The following RP1 variants were observed in gnomAD, a reference collection of about 807,000 sequenced individuals.
RP1 encodes RP1 axonemal microtubule associated, also known as oxygen-regulated protein 1.
In RP1, 16 loss-of-function variants were observed where a neutral mutation model predicts 14.8. That is an observed-to-expected ratio of 1.08 (90% CI 0.73 to 1.65). The LOEUF is 1.65. Ranked by LOEUF, RP1 falls within the 40% of genes most tolerant of loss-of-function variation. The probability of loss-of-function intolerance (pLI) is 0.00; values close to 1 mark genes in which losing one functional copy is unlikely to be tolerated. For synonymous variants in RP1, 876 were observed against 883.6 expected (o/e 0.99, Z 0.15); for missense variants, 2,631 against 2,535.0 (o/e 1.04, Z -0.81).
intron 24 of RP1, among the ~76,000 whole-genome samples, chr8:54,788,719 A>G (rs1810388975): frequency 6.6e-6 from 1 of 152,354 alleles, no homozygotes; most frequent in Non-Finnish European, 1.5e-5. Flanking sequence ...AGTTAATAAC[A>G]TTGTTCCCCT....
At chr8:54,674,068 T>G (rs1218752800) in intron 8 of RP1, 3 of 646,252 alleles carry the variant, frequency 4.6e-6, no homozygotes, top group Non-Finnish European at 7.7e-6. Flanking sequence ...CAAAATATTG[T>G]CTCCAAATAC....
intron 28 of RP1, among the ~76,000 whole-genome samples, chr8:54,869,627 C>CAATAGGA (rs1334067690): frequency 6.6e-6 from 1 of 152,116 alleles, no homozygotes; most frequent in Non-Finnish European, 1.5e-5. Context: ...TAGAGTGAAC[C>CAATAGGA]AATATGACTT....
chr8:54,672,635 A>G (rs1018195829), intron 7 of RP1, among the ~76,000 whole-genome samples: 149 of 152,172 alleles, frequency 9.8e-4, no homozygotes, highest in Non-Finnish European at 2.8e-4. Flanking sequence ...ATCTGTATGT[A>G]TATTGTTAAA....
chr8:54,722,316 G>C (rs1350186603), intron 16 of RP1, among the ~76,000 whole-genome samples: 8 of 150,780 alleles, frequency 5.3e-5, no homozygotes, highest in African/African-American at 2.0e-4. Context: ...CTGTCCCCAG[G>C]CTGGAGTGCA....
chr8:54,656,152 C>T lies in RP1; in HGVS notation c.1108C>T (p.Gln370Ter), dbSNP rs1390905664. ...TGTTCAACGATGGTTGGCACGAGATCAAGAGGATGGGGAAATCTGTCGAGA... is the reference window on the plus strand; with the variant it reads ...TGTTCAACGATGGTTGGCACGAGATTAAGAGGATGGGGAAATCTGTCGAGA... The change falls in exon 6 of 23, where the codon CAA becomes TAA. Residue 370 changes from glutamine to a stop codon, truncating the protein, a stop_gained. Transcript: ENST00000636932. LOFTEE classifies it high-confidence loss of function. The T allele has an allele frequency of 6.5e-7, 1 of 1,535,294 alleles. No individual in the cohort carries two copies. The highest frequency in any genetic ancestry group is 8.7e-7 in the Non-Finnish European group (1 of 1,146,526).
chr8:54,814,984 G>T (rs1286582210), intron 24 of RP1, among the ~76,000 whole-genome samples: 1 of 152,216 alleles, frequency 6.6e-6, no homozygotes, highest in Non-Finnish European at 1.5e-5. Context: ...ACTCCAGCCT[G>T]GGTGACAAAG....
At chr8:54,827,101 C>T (rs886435860) in intron 24 of RP1, among the ~76,000 whole-genome samples, 1 of 152,272 alleles carries the variant, frequency 6.6e-6, no homozygotes, top group East Asian at 1.9e-4. Flanking sequence ...CTGGAAGTAG[C>T]TCTGGATGAG....
Position 54,706,016 on chromosome 8 carries a change from A to G in RP1, c.1999-427A>G, listed in dbSNP as rs534866011. On this transcript the variant is annotated intron_variant, in intron 14 of 22. Coordinates refer to the RP1 transcript ENST00000636932. ...CATAGGATTTTCTTAAATATATCTT[A>G]TTTGTATTTGATATCTTTTTACATT... Among the ~76,000 whole-genome samples the G allele has an allele frequency of 7.2e-5, 11 of 152,134 alleles. No homozygotes were observed. In the East Asian group the frequency reaches 1.9e-3, roughly 27 times the overall value.
chr8:54,785,498 T>G (rs1563375889), intron 24 of RP1, among the ~76,000 whole-genome samples: 1 of 150,554 alleles, frequency 6.6e-6, no homozygotes, highest in Non-Finnish European at 1.5e-5. Flanking sequence ...AGTTTTTGTG[T>G]GAACATGTTA....
intron 4 of RP1, among the ~76,000 whole-genome samples, chr8:54,651,950 A>G (rs1806663190): frequency 6.8e-6 from 1 of 147,492 alleles, no homozygotes. Context: ...GTATTTTTTA[A>G]TTTTCCTGCA....
At chr8:54,759,014 C>T in exon 22 of RP1, 2 of 1,535,870 alleles carry the variant, frequency 1.3e-6, no homozygotes, top group East Asian at 2.4e-5. Context: ...AGTACTGGTA[C>T]TGTGAACAAG....
intron 7 of RP1, among the ~76,000 whole-genome samples, chr8:54,664,007 C>G (rs1040953310): frequency 6.6e-6 from 1 of 152,176 alleles, no homozygotes; most frequent in African/African-American, 2.4e-5. Context: ...AGAACTTTTT[C>G]ATCTTCCAAA....
intron 26 of RP1, among the ~76,000 whole-genome samples, chr8:54,856,715 C>T (rs961977193): frequency 3.9e-5 from 6 of 152,092 alleles, no homozygotes; most frequent in Non-Finnish European, 7.4e-5. Flanking sequence ...GAGAGTTTGG[C>T]ACTTACTCAT....
intron 1 of RP1, among the ~76,000 whole-genome samples, chr8:54,588,183 C>T (rs530333614): frequency 1.6e-4 from 25 of 152,208 alleles, no homozygotes; most frequent in South Asian, 1.0e-3. Context: ...GCTGGTCCAA[C>T]GGCAGAACTT....
intron 1 of RP1, among the ~76,000 whole-genome samples, chr8:54,606,582 A>G (rs183149819): frequency 0.031 from 4,679 of 152,002 alleles, 233 homozygotes; most frequent in African/African-American, 0.11. Flanking sequence ...GAATTTGAAT[A>G]TTGGCCTGCC....
At position 54,627,068 on chromosome 8, in the gene RP1, G is replaced by A; in HGVS notation, c.3186G>A (p.Arg1062=). Residue 1062 remains arginine (R), a synonymous_variant, in exon 4 of 4, where the codon AGG becomes AGA. Coordinates refer to ENST00000220676, the MANE Select transcript of RP1 (RefSeq NM_006269.2). ...VYQEINLARK[R]QSVEAAIQVD... Reference sequence around the variant, plus strand: ...AGGAAATAAACCTAGCTAGAAAAAGGCAAAGTGTAGAGGCTGCCATTCAAG... The same window carrying A: ...AGGAAATAAACCTAGCTAGAAAAAGACAAAGTGTAGAGGCTGCCATTCAAG... 1 of 1,614,012 alleles carries A rather than the reference G, an allele frequency of 6.2e-7. No individual in the cohort carries two copies. Among genetic ancestry groups the A allele is most frequent in the Non-Finnish European group, 8.5e-7 (1 of 1,179,984 alleles).
At chr8:54,657,104 C>A (rs1183442440) in intron 6 of RP1, among the ~76,000 whole-genome samples, 2 of 152,008 alleles carry the variant, frequency 1.3e-5, no homozygotes, top group African/African-American at 4.8e-5. Context: ...ACATGAATAG[C>A]CCTAGTTACT....
intron 24 of RP1, among the ~76,000 whole-genome samples, chr8:54,795,110 G>A (rs1402410044): frequency 6.6e-6 from 1 of 152,012 alleles, no homozygotes; most frequent in Non-Finnish European, 1.5e-5. Flanking sequence ...GTGAGAATGT[G>A]GAGAAAAGGG....
At chr8:54,637,513 C>A (rs1345794573) in intron 3 of RP1, among the ~76,000 whole-genome samples, 1 of 152,176 alleles carries the variant, frequency 6.6e-6, no homozygotes, top group Non-Finnish European at 1.5e-5. Context: ...AAAAAATAGA[C>A]CACTTTCTGA....
Sources: gnomAD v4.1 joint callset for allele counts (sites outside exome capture counted in the v4.1 genomes callset) on GRCh38, gnomAD v4.1.1 for gene constraint, MANE v1.5 for transcripts, NCBI Gene and HGNC (gene_info 2026-07-23, HGNC 2026-07-21) for gene names.